The following ZNF451 variants were observed in gnomAD, a reference collection of about 807,000 sequenced individuals.
The protein encoded by ZNF451 is E3 SUMO-protein ligase ZNF451.
Under a neutral mutation model 107.1 loss-of-function variants are expected in ZNF451, and 80 were observed. That is an observed-to-expected ratio of 0.75 (90% CI 0.62 to 0.90). ZNF451 has a LOEUF of 0.90. ZNF451 is among the 40% of genes least tolerant of loss of function. The probability of loss-of-function intolerance (pLI) is 0.00; values close to 1 mark genes in which losing one functional copy is unlikely to be tolerated. For synonymous variants in ZNF451, 362 were observed against 406.5 expected (o/e 0.89, Z 1.32); for missense variants, 1,107 against 1,236.2 (o/e 0.90, Z 1.57).
Position 57,170,151 on chromosome 6 carries a change from T to C in ZNF451, c.*1682T>C, listed in dbSNP as rs1167929538. ...TGTTTAATGTTTTAATTGATAATTGTCACTGATCGTATTTCTACTTGTTAA... is the reference window on the plus strand; with the variant it reads ...TGTTTAATGTTTTAATTGATAATTGCCACTGATCGTATTTCTACTTGTTAA... On this transcript the variant is annotated 3_prime_UTR_variant, in exon 15 of 15. Coordinates refer to ENST00000370706, the MANE Select transcript of ZNF451 (RefSeq NM_001031623.3). 6.6e-6 allele frequency: 1 copy of C among 152,262 alleles called. No homozygotes were observed. Among genetic ancestry groups the C allele is most frequent in the Non-Finnish European group, 1.5e-5 (1 of 68,044 alleles). 9.4% of individuals were successfully genotyped at this position (152,262 alleles called of 1,614,324 possible). A position where few individuals can be genotyped will look rare whatever the true frequency, so the allele number is the denominator to read the frequency against.
intron 2 of ZNF451, chr6:57,092,739 G>C (rs988731705): frequency 6.6e-6 from 1 of 151,986 alleles, no homozygotes; most frequent in Non-Finnish European, 1.5e-5. Context: ...TCGTTTTTAC[G>C]GTTTGGATTT....
Position 57,147,309 on chromosome 6 carries a change from C to T in ZNF451, c.1224C>T (p.Asn408=). The T allele has an allele frequency of 1.2e-6, 2 of 1,614,102 alleles. No individual in the cohort carries two copies. The highest frequency in any genetic ancestry group is 1.3e-5 in the African/African-American group (1 of 75,050). The change falls in exon 10 of 15, where the codon AAC becomes AAT. Residue 408 remains asparagine, a synonymous_variant. Coordinates refer to ENST00000370706, the MANE Select transcript of ZNF451 (RefSeq NM_001031623.3). ...VLLYCHSSEG[N]KDPSSDLHLL... is the part of the protein sequence containing the mutation. The stretch of plus-strand genomic sequence containing the variant: ...TCTATTGCCACAGCAGCGAAGGGAA[C>T]AAGGATCCTTCTTCTGACTTGCATT...
rs537422626 is a variant in ZNF451, at chr6:57,091,370, C to T, written c.105+476C>T. 3.3e-4 allele frequency: 41 copies of T among 124,912 alleles called. No individual in the cohort carries two copies. In the South Asian group the frequency reaches 6.9e-3, roughly 21 times the overall value. 7.7% of individuals were successfully genotyped at this position (124,912 alleles called of 1,614,324 possible). On this transcript the variant is annotated intron_variant, in intron 2 of 14. Transcript: ENST00000370706. ...GTTACGGCATAGTACAGTTGATGCT[C>T]ATAATGAAGAATCCTACATCACTGG...
intron 3 of ZNF451, chr6:57,108,618 T>G (rs1829978878): frequency 1.0e-6 from 1 of 985,338 alleles, no homozygotes; most frequent in Non-Finnish European, 1.2e-6. Context: ...TAGTCTCATT[T>G]AGATTCTTGG....
At chr6:57,158,538 A>G in intron 13 of ZNF451, 3 of 985,424 alleles carry the variant, frequency 3.0e-6, no homozygotes, top group Non-Finnish European at 3.6e-6. Flanking sequence ...AGATGTTGGC[A>G]CTAGAACTAC....
At chr6:57,120,217 T>C (rs1466748219) in intron 3 of ZNF451, among the ~76,000 whole-genome samples, 11 of 152,194 alleles carry the variant, frequency 7.2e-5, no homozygotes. Context: ...AATCAGGTGC[T>C]TTTAAGGTTC....
chr6:57,101,164 C>T (rs1191240970), intron 3 of ZNF451: 3 of 1,550,510 alleles, frequency 1.9e-6, no homozygotes, highest in South Asian at 1.2e-5. Flanking sequence ...CAAAGGGCAG[C>T]CATCTGACCC....
At chr6:57,096,711 A>G (rs1451241670) in intron 2 of ZNF451, among the ~76,000 whole-genome samples, 1 of 150,792 alleles carries the variant, frequency 6.6e-6, no homozygotes, top group Non-Finnish European at 1.5e-5. Flanking sequence ...GATTATATCA[A>G]TGGGAAAAGC....
At chr6:57,102,080 A>C (rs890335958) in intron 3 of ZNF451, 100 of 1,516,348 alleles carry the variant, frequency 6.6e-5, no homozygotes, top group Non-Finnish European at 7.9e-5. Context: ...CCAGAACGCC[A>C]TGGGTACAAG....
intron 11 of ZNF451, among the ~76,000 whole-genome samples, chr6:57,151,616 A>G (rs1166652182): frequency 6.6e-6 from 1 of 152,164 alleles, no homozygotes; most frequent in African/African-American, 2.4e-5. Context: ...CTATAGGACT[A>G]ATGTTATTTT....
chr6:57,158,247 T>A (rs1763521759), intron 13 of ZNF451, among the ~76,000 whole-genome samples: 1 of 152,218 alleles, frequency 6.6e-6, no homozygotes, highest in African/African-American at 2.4e-5. Flanking sequence ...AACCATGTCC[T>A]TGAAGAATGA....
In ZNF451 at chr6:57,147,094, C is replaced by A; in HGVS notation, c.1009C>A (p.His337Asn). 6.3e-7 allele frequency: 1 copy of A among 1,596,432 alleles called. No individual in the cohort carries two copies. Among genetic ancestry groups the A allele is most frequent in the South Asian group, 1.1e-5 (1 of 88,310 alleles). Residue 337 changes from histidine to asparagine, a missense_variant, in exon 10 of 15, where the codon CAT becomes AAT. By Grantham distance (68) the His-to-Asn change is moderately conservative. Transcript: ENST00000370706. ...ATTTCTTTTTATCTAATTTAGAGTT[C>A]ATTGTCGAAATGCTGGACCTGTAGC... Reference protein sequence around the residue: ...HMELTAHFRVHCRNAGPVAVA... With the variant: ...HMELTAHFRVNCRNAGPVAVA...
intron 3 of ZNF451, chr6:57,106,610 A>T (rs1829873733): frequency 1.3e-6 from 1 of 765,016 alleles, no homozygotes; most frequent in South Asian, 5.8e-5. Context: ...CTGGCTGTGA[A>T]ATTTTTTTTT....
chr6:57,141,091 G>A (rs149507668), intron 7 of ZNF451, among the ~76,000 whole-genome samples: 1 of 152,144 alleles, frequency 6.6e-6, no homozygotes, highest in African/African-American at 2.4e-5. Context: ...CCATAATTTG[G>A]TTTTGAGGAA....
intron 4 of ZNF451, among the ~76,000 whole-genome samples, chr6:57,128,472 T>C (rs748189357): frequency 6.6e-6 from 1 of 152,216 alleles, no homozygotes; most frequent in Non-Finnish European, 1.5e-5. Flanking sequence ...GTCCATCAAA[T>C]GTACATACCA....
At chr6:57,139,505 C>G (rs1456476421) in intron 7 of ZNF451, among the ~76,000 whole-genome samples, 1 of 152,088 alleles carries the variant, frequency 6.6e-6, no homozygotes, top group Admixed American at 6.5e-5. Context: ...ACTACACAAA[C>G]TATACTGATG....
At chr6:57,114,705 A>G (rs1001829444) in intron 3 of ZNF451, among the ~76,000 whole-genome samples, 1 of 152,190 alleles carries the variant, frequency 6.6e-6, no homozygotes, top group Non-Finnish European at 1.5e-5. Flanking sequence ...ATAAGGCAAA[A>G]TTAGTGATTT....
At chr6:57,101,773 A>G (rs983025348) in intron 3 of ZNF451, 5 of 1,550,594 alleles carry the variant, frequency 3.2e-6, no homozygotes, top group Non-Finnish European at 4.4e-6. Flanking sequence ...GGCCATGGCC[A>G]TAGACTATAG....
intron 14 of ZNF451, chr6:57,164,979 G>A (rs1026577670): frequency 2.0e-5 from 3 of 152,106 alleles, no homozygotes; most frequent in African/African-American, 7.2e-5. Flanking sequence ...ATTTCTTGTA[G>A]GGCAGGTCTA....
Sources: allele counts gnomAD v4.1 joint callset (sites outside exome capture counted in the v4.1 genomes callset), GRCh38; gene constraint gnomAD v4.1.1; transcripts MANE v1.5; gene names NCBI Gene and HGNC (gene_info 2026-07-23, HGNC 2026-07-21).